The following CEP128 variants were observed in gnomAD, a reference collection of about 807,000 sequenced individuals.
CEP128 encodes centrosomal protein 128.
Under a neutral mutation model 156.7 loss-of-function variants are expected in CEP128, and 132 were observed. The observed-to-expected ratio is 0.84, with a 90% CI of 0.73 to 0.97. The LOEUF is 0.97. CEP128 is among the 50% of genes least tolerant of loss of function. The pLI is 0.00. For missense variants in CEP128, 1,252 were observed against 1,281.9 expected, an observed-to-expected ratio of 0.98 and a Z score of 0.36; for synonymous variants, 469 against 448.9, an observed-to-expected ratio of 1.04 and a Z score of -0.57.
rs188108223 is a variant in CEP128, at chr14:80,814,786, C to T, written c.1209+16357G>A. ...AATTCAAAAGCTTCTGGGCCAGGCGCGGTGGCTCATGCCTGTAATCCCAGC... is the reference window on the plus strand; with the variant it reads ...AATTCAAAAGCTTCTGGGCCAGGCGTGGTGGCTCATGCCTGTAATCCCAGC... On this transcript the variant is annotated intron_variant, in intron 13 of 24. Coordinates refer to ENST00000555265, the MANE Select transcript of CEP128 (RefSeq NM_152446.5). Among the ~76,000 whole-genome samples the T allele has an allele frequency of 6.2e-3, 947 of 152,286 alleles. 9 individuals are homozygous for T. Among genetic ancestry groups the T allele is most frequent in the African/African-American group, 0.021 (886 of 41,558 alleles).
At chr14:80,788,426 T>C (rs1160184686) in intron 14 of CEP128, among the ~76,000 whole-genome samples, 3 of 151,528 alleles carry the variant, frequency 2.0e-5, no homozygotes, top group South Asian at 2.1e-4. Flanking sequence ...GGATTATAGA[T>C]TGTAGACTTC....
intron 7 of CEP128, among the ~76,000 whole-genome samples, chr14:80,898,062 G>C (rs1253137471): frequency 6.6e-6 from 1 of 152,228 alleles, no homozygotes; most frequent in Non-Finnish European, 1.5e-5. Context: ...TTATGGGCCT[G>C]AGCCACTGTG....
Position 80,607,856 on chromosome 14 carries a change from C to G in CEP128, c.2807-27433G>C, listed in dbSNP as rs796219366. Reference sequence around the variant, plus strand: ...CCCCACCTTCTCCTAAAGTCGATTTCAGTTTTAAGTCCTACCCTCAGATAT... The same window carrying G: ...CCCCACCTTCTCCTAAAGTCGATTTGAGTTTTAAGTCCTACCCTCAGATAT... On this transcript the variant is annotated intron_variant, in intron 19 of 24. Transcript: ENST00000555265. Among the ~76,000 whole-genome samples the G allele has an allele frequency of 4.6e-5, 7 of 152,262 alleles. No homozygotes were observed. In the South Asian group the frequency reaches 1.4e-3, roughly 32 times the overall value.
chr14:80,515,609 G>A (rs1828970381), intron 23 of CEP128, among the ~76,000 whole-genome samples: 1 of 152,068 alleles, frequency 6.6e-6, no homozygotes, highest in Admixed American at 6.6e-5. Context: ...CTCCCTTCAG[G>A]GCAACAGGCT....
At chr14:80,788,967 G>A (rs909681806) in intron 14 of CEP128, among the ~76,000 whole-genome samples, 3 of 152,056 alleles carry the variant, frequency 2.0e-5, no homozygotes, top group African/African-American at 7.2e-5. Flanking sequence ...ACCTAGTGAT[G>A]GTCTTACATT....
intron 23 of CEP128, among the ~76,000 whole-genome samples, chr14:80,508,076 T>C (rs1225357558): frequency 2.0e-5 from 3 of 152,094 alleles, no homozygotes; most frequent in Non-Finnish European, 4.4e-5. Flanking sequence ...CCACCATGCC[T>C]GGCTAATTTT....
chr14:80,477,918 T>C (rs966687882), exon 15 of CEP128: 1 of 152,128 alleles, frequency 6.6e-6, no homozygotes, highest in African/African-American at 2.4e-5. Context: ...GAGGAAAGAA[T>C]TTGGTGGCAA....
intron 19 of CEP128, among the ~76,000 whole-genome samples, chr14:80,671,081 A>C (rs1260177540): frequency 6.6e-6 from 1 of 152,178 alleles, no homozygotes; most frequent in East Asian, 1.9e-4. Flanking sequence ...GAGTACAGTC[A>C]TTTGGTGAGT....
chr14:80,823,595 A>G (rs576773818), intron 13 of CEP128, among the ~76,000 whole-genome samples: 5 of 143,144 alleles, frequency 3.5e-5, no homozygotes, highest in Non-Finnish European at 7.9e-5. Flanking sequence ...AGCTGGATAC[A>G]GTTTGGCTTG....
chr14:80,761,710 A>G lies in CEP128; in HGVS notation c.2377-97T>C, dbSNP rs1473559496. On this transcript the variant is annotated intron_variant, in intron 16 of 24. Coordinates refer to ENST00000555265, the MANE Select transcript of CEP128 (RefSeq NM_152446.5). The stretch of plus-strand genomic sequence containing the variant: ...TTCAACCAACTAGAAGTGGATTTGA[A>G]AAGAAATCTGATTCCATCAGTCCCC... 8 of 815,090 alleles carry G rather than the reference A, an allele frequency of 9.8e-6. No individual in the cohort carries two copies. The African/African-American group carries it at 1.4e-4, about 14-fold the overall frequency. 50.5% of individuals were successfully genotyped at this position (815,090 alleles called of 1,614,324 possible).
rs551204428 is a variant in CEP128, at chr14:80,907,550, C to T, written c.235-1469G>A. Among the ~76,000 whole-genome samples, 87 of 150,750 alleles carry T rather than the reference C, an allele frequency of 5.8e-4. No homozygotes were observed. In the South Asian group the frequency reaches 0.018, roughly 31 times the overall value. On this transcript the variant is annotated intron_variant, in intron 4 of 24. Transcript: ENST00000555265. ...GCTGGTGCCTGTAATCCCAACTACT[C>T]GGGAGGCTGAGGCAGGAGAACTGCT...
chr14:80,680,938 C>T (rs182587692), intron 19 of CEP128, among the ~76,000 whole-genome samples: 13 of 152,262 alleles, frequency 8.5e-5, no homozygotes, highest in East Asian at 5.8e-4. Context: ...GTGCACCCCA[C>T]GGATCAGCCC....
chr14:80,652,414 G>A (rs62532096), intron 19 of CEP128, among the ~76,000 whole-genome samples: 4,161 of 152,054 alleles, frequency 0.027, 173 homozygotes, highest in East Asian at 0.1. Context: ...GCAACCTACA[G>A]AATAAGAGAA....
At chr14:80,701,729 CTA>C (rs1213763814) in intron 19 of CEP128, among the ~76,000 whole-genome samples, 2 of 152,168 alleles carry the variant, frequency 1.3e-5, no homozygotes, top group African/African-American at 4.8e-5. Context: ...CATGGGACTT[CTA>C]TGTTTCAATT....
chr14:80,893,065 GAAAC>G (rs1889178650), intron 8 of CEP128, among the ~76,000 whole-genome samples: 1 of 151,884 alleles, frequency 6.6e-6, no homozygotes, highest in African/African-American at 2.4e-5. Flanking sequence ...CCAAGATATG[GAAAC>G]AACCTAAGTG....
At chr14:80,907,144 C>T (rs150787409) in intron 4 of CEP128, among the ~76,000 whole-genome samples, 2 of 152,202 alleles carry the variant, frequency 1.3e-5, no homozygotes, top group East Asian at 3.9e-4. Flanking sequence ...ATGTGAGTCA[C>T]AAATGAAGCA....
chr14:80,501,811 T>C (rs1380814912), intron 24 of CEP128, among the ~76,000 whole-genome samples: 2 of 151,784 alleles, frequency 1.3e-5, no homozygotes, highest in Non-Finnish European at 2.9e-5. Context: ...GGGACTAGAC[T>C]CCAAAGGCAG....
At chr14:80,649,782 T>C (rs1471681834) in intron 19 of CEP128, among the ~76,000 whole-genome samples, 1 of 152,184 alleles carries the variant, frequency 6.6e-6, no homozygotes, top group Non-Finnish European at 1.5e-5. Flanking sequence ...TATATATCTG[T>C]TTTGGTACCA....
Position 80,923,015 on chromosome 14 carries a change from C to T in CEP128, c.-15-6453G>A, listed in dbSNP as rs570296158. ...ATATTTGTGCCGTCTGCTTTTCAGACGTGAGCTTTTTCCAAATCTCTAGAG... is the reference window on the plus strand; with the variant it reads ...ATATTTGTGCCGTCTGCTTTTCAGATGTGAGCTTTTTCCAAATCTCTAGAG... On this transcript the variant is annotated intron_variant, in intron 2 of 24. Transcript: ENST00000555265. 5.3e-5 allele frequency among the ~76,000 whole-genome samples: 8 copies of T among 152,322 alleles called. No individual in the cohort carries two copies. The South Asian group carries it at 6.2e-4, about 12-fold the overall frequency.
Sources: allele counts gnomAD v4.1 joint callset (sites outside exome capture counted in the v4.1 genomes callset), GRCh38; gene constraint gnomAD v4.1.1; transcripts MANE v1.5; gene names NCBI Gene and HGNC (gene_info 2026-07-23, HGNC 2026-07-21).